MCPH1: variants seen among roughly 807,000 people sequenced by gnomAD.
MCPH1 encodes the protein microcephalin.
Under a neutral mutation model 84.5 loss-of-function variants are expected in MCPH1, and 104 were observed. That is an observed-to-expected ratio of 1.23 (90% CI 1.05 to 1.45). The LOEUF is 1.45. MCPH1 is among the 40% of genes most tolerant of loss of function. The probability of loss-of-function intolerance (pLI) is 0.00; values close to 1 mark genes in which losing one functional copy is unlikely to be tolerated. For synonymous variants in MCPH1, 514 were observed against 366.8 expected (o/e 1.40, Z -4.58); for missense variants, 1,498 against 1,005.7 (o/e 1.49, Z -6.62).
chr8:6,501,586 G>A (rs1361200069), intron 12 of MCPH1: 1 of 112,162 alleles, frequency 8.9e-6, no homozygotes, highest in Admixed American at 1.1e-4. Flanking sequence ...ATGGAGTCTT[G>A]CTCTGTTGCC....
chr8:6,454,200 T>A (rs1305531113), intron 8 of MCPH1, among the ~76,000 whole-genome samples: 7 of 152,330 alleles, frequency 4.6e-5, no homozygotes, highest in African/African-American at 1.4e-4. Flanking sequence ...GCATCTACAT[T>A]GTCTATTGGG....
At position 6,621,554 on chromosome 8, in the gene MCPH1, T is replaced by A; in HGVS notation, c.2315T>A (p.Val772Glu). 6.2e-7 allele frequency: 1 copy of A among 1,614,140 alleles called. No individual in the cohort carries two copies. The highest frequency in any genetic ancestry group is 8.5e-7 in the Non-Finnish European group (1 of 1,180,024). Residue 772 changes from valine to glutamate, a missense_variant, in exon 13 of 14, where the codon GTG becomes GAG. Coordinates refer to ENST00000344683, the MANE Select transcript of MCPH1 (RefSeq NM_024596.5). ...GTCTCGCCTGCCAGCAGCCCCCCAGTGGCCAAGCTCTGTGAACTAGTCCAC... is the reference window on the plus strand; with the variant it reads ...GTCTCGCCTGCCAGCAGCCCCCCAGAGGCCAAGCTCTGTGAACTAGTCCAC... ...MFVSPASSPPVAKLCELVHLC... is the reference protein window; with the variant it reads ...MFVSPASSPPEAKLCELVHLC...
At chr8:6,553,809 C>T (rs1176358601) in intron 12 of MCPH1, among the ~76,000 whole-genome samples, 1 of 152,110 alleles carries the variant, frequency 6.6e-6, no homozygotes, top group Non-Finnish European at 1.5e-5. Context: ...TCAGACGGTC[C>T]TTATAAAGTC....
rs202149504 is a variant in MCPH1 at position 6,452,352 on chromosome 8, CTA to C, written c.1826-2790_1826-2789del. Among the ~76,000 whole-genome samples, 182 of 152,314 alleles carry C rather than the reference CTA, an allele frequency of 1.2e-3. 3 individuals are homozygous for C. In the East Asian group the frequency reaches 0.029, roughly 25 times the overall value. On this transcript the variant is annotated intron_variant, in intron 8 of 13. Transcript: ENST00000344683. Reference sequence around the variant, plus strand: ...ATTTTGATGGTATTATTAATCCAAACTAATTTCCAAATGGTGAAATTTCAGAT... The same window carrying C: ...ATTTTGATGGTATTATTAATCCAAACATTTCCAAATGGTGAAATTTCAGAT...
At chr8:6,604,759 C>T (rs28715064) in intron 12 of MCPH1, among the ~76,000 whole-genome samples, 2,125 of 152,340 alleles carry the variant, frequency 0.014, 56 homozygotes, top group African/African-American at 0.047. Flanking sequence ...CCTGCCTCGG[C>T]CTCCCAAAGT....
intron 3 of MCPH1, among the ~76,000 whole-genome samples, chr8:6,418,632 G>C (rs1469440406): frequency 6.6e-6 from 1 of 152,106 alleles, no homozygotes; most frequent in Non-Finnish European, 1.5e-5. Flanking sequence ...CGCCAGGCTG[G>C]AGTGCAGTGG....
intron 12 of MCPH1, among the ~76,000 whole-genome samples, chr8:6,521,934 T>C (rs1728700143): frequency 6.6e-6 from 1 of 152,242 alleles, no homozygotes. Flanking sequence ...CAGACTCAAG[T>C]ACTGGCTTAC....
chr8:6,563,939 T>C (rs1352117999), intron 12 of MCPH1, among the ~76,000 whole-genome samples: 1 of 151,972 alleles, frequency 6.6e-6, no homozygotes, highest in African/African-American at 2.4e-5. Flanking sequence ...ATAGAGAAAT[T>C]AGAATTTAAG....
At chr8:6,552,675 T>A (rs1823862030) in intron 12 of MCPH1, among the ~76,000 whole-genome samples, 1 of 152,192 alleles carries the variant, frequency 6.6e-6, no homozygotes, top group Non-Finnish European at 1.5e-5. Context: ...GCCATCATCT[T>A]ATTTGAAACA....
At chr8:6,478,506 A>G (rs1808767146) in intron 10 of MCPH1, among the ~76,000 whole-genome samples, 1 of 152,224 alleles carries the variant, frequency 6.6e-6, no homozygotes, top group South Asian at 2.1e-4. Context: ...TTCTCATTCA[A>G]GATTTAAAAA....
intron 12 of MCPH1, among the ~76,000 whole-genome samples, chr8:6,566,812 CGCAAGGCCA>C: frequency 8.5e-6 from 1 of 118,002 alleles, no homozygotes; most frequent in Middle Eastern, 9.3e-3. Flanking sequence ...GTGTGTGATC[CGCAAGGCCA>C]TGGATAGTGA....
intron 12 of MCPH1, among the ~76,000 whole-genome samples, chr8:6,516,955 G>C (rs1816382885): frequency 1.3e-5 from 2 of 152,304 alleles, no homozygotes; most frequent in South Asian, 4.1e-4. Context: ...GATTCCATTA[G>C]TGATGATGAT....
At chr8:6,536,750 C>G (rs1284973366) in intron 12 of MCPH1, among the ~76,000 whole-genome samples, 1 of 152,046 alleles carries the variant, frequency 6.6e-6, no homozygotes, top group African/African-American at 2.4e-5. Flanking sequence ...GAGAACAAAC[C>G]TAGAAACAAA....
At chr8:6,534,855 A>T (rs1820212124) in intron 12 of MCPH1, among the ~76,000 whole-genome samples, 1 of 152,162 alleles carries the variant, frequency 6.6e-6, no homozygotes, top group Non-Finnish European at 1.5e-5. Context: ...GATTGAAATA[A>T]ACTATTTAAA....
intron 12 of MCPH1, among the ~76,000 whole-genome samples, chr8:6,602,605 T>C (rs1476286031): frequency 6.6e-6 from 1 of 152,052 alleles, no homozygotes; most frequent in Non-Finnish European, 1.5e-5. Context: ...TTTGGTTCAT[T>C]TCCTTTCTTT....
chr8:6,640,085 TGTGTGTGTGTGTGCGCGCGC>T (rs1279434431), intron 13 of MCPH1, among the ~76,000 whole-genome samples: 1 of 144,776 alleles, frequency 6.9e-6, no homozygotes, highest in Non-Finnish European at 1.5e-5. Context: ...TGTGTGTGTG[TGTGTGTGTGTGTGCGCGCGC>T]GTGTGTGTGT....
intron 2 of MCPH1, among the ~76,000 whole-genome samples, chr8:6,409,776 G>C (rs1256506339): frequency 6.6e-6 from 1 of 152,144 alleles, no homozygotes; most frequent in Admixed American, 6.5e-5. Flanking sequence ...GATGATCTAG[G>C]GGGTCAGGAC....
At chr8:6,514,293 G>A (rs1815793699) in intron 12 of MCPH1, among the ~76,000 whole-genome samples, 2 of 152,122 alleles carry the variant, frequency 1.3e-5, no homozygotes, top group East Asian at 1.9e-4. Context: ...AGGTTCAAGC[G>A]ATTCTCCTGC....
At chr8:6,507,951 A>G (rs945453391) in intron 12 of MCPH1, 2 of 152,034 alleles carry the variant, frequency 1.3e-5, no homozygotes, top group Non-Finnish European at 2.9e-5. Flanking sequence ...ATACCAACCC[A>G]TCTGTTTTAA....
Sources: allele counts gnomAD v4.1 joint callset (sites outside exome capture counted in the v4.1 genomes callset), GRCh38; gene constraint gnomAD v4.1.1; transcripts MANE v1.5; gene names NCBI Gene and HGNC (gene_info 2026-07-23, HGNC 2026-07-21).